CACNA2D3: variants seen among roughly 807,000 people sequenced by gnomAD.
CACNA2D3 encodes voltage-dependent calcium channel subunit alpha-2/delta-3.
A neutral mutation model predicts 160.6 loss-of-function variants in CACNA2D3; 60 were observed. That is an observed-to-expected ratio of 0.37 (90% CI 0.30 to 0.46). CACNA2D3 has a LOEUF of 0.46. Ranked by LOEUF, CACNA2D3 falls within the 20% of genes least tolerant of loss-of-function variation. CACNA2D3 has a pLI of 1.00. For synonymous variants in CACNA2D3, 558 were observed against 492.9 expected (o/e 1.13, Z -1.75); for missense variants, 1,205 against 1,365.0 (o/e 0.88, Z 1.85).
intron 11 of CACNA2D3, among the ~76,000 whole-genome samples, chr3:54,690,448 G>T (rs1009422986): frequency 6.6e-6 from 1 of 152,052 alleles, no homozygotes; most frequent in African/African-American, 2.4e-5. Context: ...CTCATAACAG[G>T]GCCCAGCACA....
intron 3 of CACNA2D3, among the ~76,000 whole-genome samples, chr3:54,379,542 G>T (rs2106640981): frequency 6.6e-6 from 1 of 152,350 alleles, no homozygotes; most frequent in African/African-American, 2.4e-5. Context: ...TTGTCTAATT[G>T]TGTCCATTTC....
At chr3:54,763,939 A>G (rs571257786) in intron 12 of CACNA2D3, among the ~76,000 whole-genome samples, 1 of 146,588 alleles carries the variant, frequency 6.8e-6, no homozygotes, top group African/African-American at 2.5e-5. Flanking sequence ...ATATTCTCCA[A>G]AGAATTAACA....
At chr3:54,254,828 A>G (rs779404677) in intron 2 of CACNA2D3, among the ~76,000 whole-genome samples, 10 of 152,172 alleles carry the variant, frequency 6.6e-5, no homozygotes, top group Non-Finnish European at 1.3e-4. Context: ...AGTTGGTGCA[A>G]TTTCTGGGAT....
intron 21 of CACNA2D3, 21 bp from the exon 22 acceptor site, chr3:54,885,260 C>A (rs771892931): frequency 1.2e-6 from 2 of 1,613,258 alleles, no homozygotes; most frequent in African/African-American, 2.7e-5. Context: ...TATTCATGAA[C>A]CCCTTCTCCT....
At chr3:54,951,350 G>A (rs901630630) in intron 27 of CACNA2D3, among the ~76,000 whole-genome samples, 4 of 152,210 alleles carry the variant, frequency 2.6e-5, no homozygotes, top group African/African-American at 2.4e-5. Flanking sequence ...CAGCACTATA[G>A]TAATGTTTCT....
intron 2 of CACNA2D3, among the ~76,000 whole-genome samples, chr3:54,219,855 A>G (rs1701533550): frequency 6.6e-6 from 1 of 152,132 alleles, no homozygotes; most frequent in Non-Finnish European, 1.5e-5. Context: ...CATATCTGGA[A>G]ACATGCTAAC....
At chr3:54,179,534 G>C (rs935733286) in intron 2 of CACNA2D3, among the ~76,000 whole-genome samples, 3 of 152,190 alleles carry the variant, frequency 2.0e-5, no homozygotes, top group Admixed American at 1.3e-4. Flanking sequence ...GGGGAATTTT[G>C]CTGGGATTCC....
At chr3:54,468,857 T>G (rs778318086) in intron 4 of CACNA2D3, among the ~76,000 whole-genome samples, 4 of 152,174 alleles carry the variant, frequency 2.6e-5, no homozygotes, top group African/African-American at 4.8e-5. Flanking sequence ...GCAAAGCCAC[T>G]GTAGCCGGAC....
chr3:54,647,415 TA>T (rs1396710628), intron 11 of CACNA2D3, among the ~76,000 whole-genome samples: 1 of 152,218 alleles, frequency 6.6e-6, no homozygotes, highest in Non-Finnish European at 1.5e-5. Context: ...TTCTATGGGT[TA>T]ACTAGGTGGT....
At chr3:54,157,722 C>T (rs190249572) in intron 2 of CACNA2D3, among the ~76,000 whole-genome samples, 11 of 151,000 alleles carry the variant, frequency 7.3e-5, no homozygotes, top group Admixed American at 4.6e-4. Context: ...ACCCGGGAGG[C>T]GGGGGTTGCA....
intron 4 of CACNA2D3, among the ~76,000 whole-genome samples, chr3:54,464,713 C>A (rs1019389304): frequency 2.6e-4 from 40 of 152,356 alleles, no homozygotes; most frequent in African/African-American, 9.4e-4. Context: ...AACTCCCTGA[C>A]CCCTCGCGCT....
chr3:55,045,301 C>T (rs1176730896), intron 35 of CACNA2D3, among the ~76,000 whole-genome samples: 1 of 152,158 alleles, frequency 6.6e-6, no homozygotes, highest in Non-Finnish European at 1.5e-5. Flanking sequence ...CCACCCACCT[C>T]GGCCTCCCAA....
intron 34 of CACNA2D3, among the ~76,000 whole-genome samples, chr3:55,010,325 A>G (rs1485709680): frequency 6.6e-6 from 1 of 151,962 alleles, no homozygotes; most frequent in Non-Finnish European, 1.5e-5. Context: ...TGTACACCAA[A>G]CCCTCGAGAC....
chr3:54,844,716 T>C (rs1036210748), intron 16 of CACNA2D3, among the ~76,000 whole-genome samples: 1 of 152,266 alleles, frequency 6.6e-6, no homozygotes, highest in East Asian at 1.9e-4. Flanking sequence ...GATAATTGAT[T>C]ATTATAATTT....
chr3:54,216,116 C>G (rs540298143), intron 2 of CACNA2D3, among the ~76,000 whole-genome samples: 2 of 149,132 alleles, frequency 1.3e-5, no homozygotes, highest in African/African-American at 2.5e-5. Context: ...CTGACACTAC[C>G]CTGCAATTTT....
chr3:54,174,386 G>T (rs1232730667), intron 2 of CACNA2D3, among the ~76,000 whole-genome samples: 1 of 152,214 alleles, frequency 6.6e-6, no homozygotes, highest in East Asian at 1.9e-4. Context: ...GGTTTTGAAC[G>T]ATTTGATGGC....
intron 2 of CACNA2D3, among the ~76,000 whole-genome samples, chr3:54,155,702 G>A (rs1700233108): frequency 6.6e-6 from 1 of 152,134 alleles, no homozygotes; most frequent in African/African-American, 2.4e-5. Context: ...ATCTAACGTT[G>A]GGCCTGAGAA....
chr3:54,938,645 G>C (rs2106976840), intron 27 of CACNA2D3, among the ~76,000 whole-genome samples: 1 of 148,004 alleles, frequency 6.8e-6, no homozygotes, highest in South Asian at 2.1e-4. Context: ...TATACATCTT[G>C]ATATAGACTC....
chr3:54,183,686 A>G (rs1194691882), intron 2 of CACNA2D3, among the ~76,000 whole-genome samples: 2 of 151,806 alleles, frequency 1.3e-5, no homozygotes, highest in African/African-American at 4.8e-5. Flanking sequence ...GTAGTTCCAG[A>G]CCAGTCTGGC....
Sources: allele counts gnomAD v4.1 joint callset (sites outside exome capture counted in the v4.1 genomes callset), GRCh38; gene constraint gnomAD v4.1.1; transcripts MANE v1.5; gene names NCBI Gene and HGNC (gene_info 2026-07-23, HGNC 2026-07-21).